CASK: variants seen among roughly 807,000 people sequenced by gnomAD.
CASK encodes the protein peripheral plasma membrane protein CASK.
A neutral mutation model predicts 82.9 loss-of-function variants in CASK; 4 were observed. The observed-to-expected ratio is 0.05, with a 90% CI of 0.02 to 0.11. The LOEUF is 0.11. Ranked by LOEUF, CASK falls within the 10% of genes least tolerant of loss-of-function variation. The probability of loss-of-function intolerance (pLI) is 1.00; values close to 1 mark genes in which losing one functional copy is unlikely to be tolerated. For synonymous variants in CASK, 259 were observed against 253.5 expected (o/e 1.02, Z -0.20); for missense variants, 358 against 720.9 (o/e 0.50, Z 5.76).
chrX:41,636,544 CTGTT>C (rs756688291), intron 9 of CASK, 30 bp downstream of exon 9: 303 of 837,907 alleles, frequency 3.6e-4, no homozygotes, highest in Non-Finnish European at 5.1e-4. Flanking sequence ...TTAACTATAT[CTGTT>C]TGGCTTTTTT....
chrX:41,557,947 A>G (rs952892528), intron 18 of CASK, among the ~76,000 whole-genome samples: 21 of 110,575 alleles, frequency 1.9e-4, no homozygotes, highest in African/African-American at 7.0e-4. Context: ...GTCTTTTTAA[A>G]AGACATTTTT....
intron 3 of CASK, among the ~76,000 whole-genome samples, chrX:41,775,037 A>G (rs1207651114): frequency 2.7e-5 from 3 of 110,163 alleles, no homozygotes; most frequent in African/African-American, 9.9e-5. Context: ...GACAAATGGG[A>G]TCTAATTAAA....
intron 1 of CASK, among the ~76,000 whole-genome samples, chrX:41,868,050 C>T (rs2071623160): frequency 8.9e-6 from 1 of 112,176 alleles, no homozygotes; most frequent in South Asian, 3.7e-4. Flanking sequence ...AAGAAAACTT[C>T]ATGGTTCCTA....
At chrX:41,545,548 T>C (rs1238939867) in intron 21 of CASK, among the ~76,000 whole-genome samples, 1 of 112,137 alleles carries the variant, frequency 8.9e-6, no homozygotes, top group African/African-American at 3.2e-5. Context: ...TACCTTATTA[T>C]CTTGTTTACT....
chrX:41,605,417 C>T (rs769686445), intron 12 of CASK, among the ~76,000 whole-genome samples: 1 of 105,989 alleles, frequency 9.4e-6, no homozygotes, highest in Admixed American at 1.0e-4. Context: ...GTAGCCTGGG[C>T]AAACATGGTG....
At chrX:41,876,546 G>A (rs1028590310) in intron 1 of CASK, among the ~76,000 whole-genome samples, 5 of 111,569 alleles carry the variant, frequency 4.5e-5, no homozygotes, top group African/African-American at 1.6e-4. Flanking sequence ...ACAGATTTCA[G>A]TTGCCTTATA....
At chrX:41,798,201 A>G (rs1409310378) in intron 2 of CASK, among the ~76,000 whole-genome samples, 1 of 112,163 alleles carries the variant, frequency 8.9e-6, no homozygotes, top group Non-Finnish European at 1.9e-5. Flanking sequence ...TCACAATTCC[A>G]AAAGCAGCAT....
chrX:41,760,970 T>C (rs1029639151), intron 3 of CASK, among the ~76,000 whole-genome samples: 6 of 111,461 alleles, frequency 5.4e-5, no homozygotes, highest in African/African-American at 2.0e-4. Context: ...TTGCATCAGT[T>C]TGCTTGCTAT....
chrX:41,637,359 C>G lies in CASK; in HGVS notation c.832-698G>C, dbSNP rs897019083. ...TGTCATGGACTATAACAATTACAGA[C>G]TCTTCTAATTAGGACACGCTTTTTT... is the stretch of plus-strand genomic sequence containing the variant. On this transcript the variant is annotated intron_variant, in intron 8 of 26. Transcript: ENST00000378163. Among the ~76,000 whole-genome samples, 7 of 93,840 alleles carry G rather than the reference C, an allele frequency of 7.5e-5. No homozygotes were observed. In the Admixed American group the frequency reaches 8.7e-4, roughly 12 times the overall value. 81.5% of individuals were successfully genotyped at this position (93,840 alleles called of 115,157 possible). A position where few individuals can be genotyped will look rare whatever the true frequency, so the allele number is the denominator to read the frequency against.
At chrX:41,548,858 T>C (rs1186140898) in intron 21 of CASK, among the ~76,000 whole-genome samples, 2 of 112,276 alleles carry the variant, frequency 1.8e-5, no homozygotes, top group African/African-American at 6.5e-5. Flanking sequence ...GAAAAAATTG[T>C]GGCATAGTCT....
At chrX:41,800,814 G>A (rs2069980315) in intron 2 of CASK, among the ~76,000 whole-genome samples, 1 of 111,497 alleles carries the variant, frequency 9.0e-6, no homozygotes, top group Non-Finnish European at 1.9e-5. Context: ...CATCCATGAA[G>A]GGACCCAATT....
At chrX:41,770,208 T>A (rs925143789) in intron 3 of CASK, among the ~76,000 whole-genome samples, 1 of 109,692 alleles carries the variant, frequency 9.1e-6, no homozygotes, top group African/African-American at 3.3e-5. Context: ...CTTGTTTTTT[T>A]TTTTTGCAAG....
chrX:41,542,695 A>G lies in CASK; in HGVS notation c.2151T>C (p.Asn717=). The change falls in exon 22 of 27, where the codon AAT becomes AAC. Residue 717 remains asparagine (N), a synonymous_variant. Transcript: ENST00000378163. The part of the protein sequence containing the change: ...QYKDKYLAKH[N]AVFDQLDLVT... The stretch of plus-strand genomic sequence containing the variant: ...AACAGTTGTGCTTTTCCCTACCTGC[A>G]TTGTGCTTTGCCAAATATTTATCTT... 2.5e-6 allele frequency: 3 copies of G among 1,181,212 alleles called. No homozygotes were observed. The highest frequency in any genetic ancestry group is 3.5e-6 in the Non-Finnish European group (3 of 867,844).
At chrX:41,547,421 G>A (rs1469281279) in intron 21 of CASK, among the ~76,000 whole-genome samples, 1 of 110,546 alleles carries the variant, frequency 9.0e-6, no homozygotes, top group Non-Finnish European at 1.9e-5. Flanking sequence ...TGTCCCTGTG[G>A]TATCTTTAGT....
Position 41,561,563 on chromosome X carries a change from A to AT in CASK, c.1663dup (p.Met555AsnfsTer3). Reference sequence around the variant, plus strand: ...GAAAAACTTTCATTTACTTACAAGCATTTTTTGCAGTTGTTCCACTGTTTG... The same window carrying AT: ...GAAAAACTTTCATTTACTTACAAGCATTTTTTTGCAGTTGTTCCACTGTTTG... On this transcript the variant is annotated frameshift_variant, in exon 17 of 27. Transcript: ENST00000378163. LOFTEE classifies it high-confidence loss of function. 2 of 1,188,614 alleles carry AT rather than the reference A, an allele frequency of 1.7e-6. No individual in the cohort carries two copies. Among genetic ancestry groups the AT allele is most frequent in the Non-Finnish European group, 2.3e-6 (2 of 875,273 alleles).
At chrX:41,641,435 C>T (rs1344331713) in intron 8 of CASK, among the ~76,000 whole-genome samples, 1 of 111,382 alleles carries the variant, frequency 9.0e-6, no homozygotes, top group Non-Finnish European at 1.9e-5. Context: ...GTATACTTTA[C>T]AGTCTATATA....
intron 1 of CASK, among the ~76,000 whole-genome samples, chrX:41,880,345 T>C (rs993295222): frequency 4.5e-5 from 5 of 111,643 alleles, no homozygotes; most frequent in African/African-American, 1.6e-4. Context: ...TATACTCTTC[T>C]GTATGCCATG....
chrX:41,839,673 T>C (rs1325570351), intron 2 of CASK, among the ~76,000 whole-genome samples: 2 of 111,152 alleles, frequency 1.8e-5, no homozygotes, highest in East Asian at 5.6e-4. Flanking sequence ...CTTCCAGAAA[T>C]ATACTGAAGA....
chrX:41,899,311 T>G (rs927095564), intron 1 of CASK, among the ~76,000 whole-genome samples: 1 of 111,762 alleles, frequency 8.9e-6, no homozygotes, highest in African/African-American at 3.2e-5. Flanking sequence ...TCCTTAAAAC[T>G]AAAGTGAGTT....
Sources: gnomAD v4.1 joint callset for allele counts (sites outside exome capture counted in the v4.1 genomes callset) on GRCh38, gnomAD v4.1.1 for gene constraint, MANE v1.5 for transcripts, NCBI Gene and HGNC (gene_info 2026-07-23, HGNC 2026-07-21) for gene names.